GRID1: variants seen among roughly 807,000 people sequenced by gnomAD.
The protein encoded by GRID1 is glutamate ionotropic receptor delta type subunit 1.
GRID1 carries 28 observed loss-of-function variants against 98.0 expected under a neutral mutation model. The ratio of observed to expected loss-of-function variants is 0.29; its 90% CI spans 0.21 to 0.39. The LOEUF (loss-of-function observed/expected upper bound fraction) is 0.39. Among genes scored for constraint, GRID1 ranks in the 10% least tolerant of loss-of-function variants. The pLI is 1.00. For synonymous variants in GRID1, 553 were observed against 538.5 expected, an observed-to-expected ratio of 1.03 and a Z score of -0.37; for missense variants, 1,111 against 1,340.5, an observed-to-expected ratio of 0.83 and a Z score of 2.67.
chr10:86,071,206 C>G (rs964995859), intron 4 of GRID1, among the ~76,000 whole-genome samples: 38 of 152,350 alleles, frequency 2.5e-4, no homozygotes, highest in African/African-American at 8.4e-4. Context: ...CAACCCATAT[C>G]CAGCCTGTGC....
At chr10:85,984,044 G>A (rs1392423543) in intron 4 of GRID1, among the ~76,000 whole-genome samples, 3 of 151,970 alleles carry the variant, frequency 2.0e-5, no homozygotes, top group Non-Finnish European at 4.4e-5. Flanking sequence ...CCTGGCGACT[G>A]GACTTCAGGA....
intron 15 of GRID1, among the ~76,000 whole-genome samples, chr10:85,611,103 T>C (rs1227598040): frequency 6.6e-6 from 1 of 152,240 alleles, no homozygotes; most frequent in Admixed American, 6.5e-5. Flanking sequence ...TCCTCACAGC[T>C]AGGTTATCCC....
intron 4 of GRID1, among the ~76,000 whole-genome samples, chr10:85,972,212 C>T (rs1469875838): frequency 6.6e-6 from 1 of 150,972 alleles, no homozygotes; most frequent in Non-Finnish European, 1.5e-5. Flanking sequence ...AGCTTGAATA[C>T]AACTCACATT....
chr10:85,942,015 G>C (rs1254805922), intron 4 of GRID1, among the ~76,000 whole-genome samples: 1 of 152,150 alleles, frequency 6.6e-6, no homozygotes, highest in Non-Finnish European at 1.5e-5. Context: ...ATGCTAGCTT[G>C]AACCTAGATA....
intron 2 of GRID1, among the ~76,000 whole-genome samples, chr10:86,357,293 C>T (rs1454312343): frequency 6.6e-6 from 1 of 152,208 alleles, no homozygotes; most frequent in Non-Finnish European, 1.5e-5. Context: ...GGGCCCAATG[C>T]CTGTCAGAAA....
At chr10:85,787,588 C>T (rs928635512) in intron 8 of GRID1, among the ~76,000 whole-genome samples, 10 of 152,182 alleles carry the variant, frequency 6.6e-5, no homozygotes, top group Non-Finnish European at 5.9e-5. Context: ...GCCCAGCCAG[C>T]TCCATTTCCC....
intron 2 of GRID1, among the ~76,000 whole-genome samples, chr10:86,229,261 C>G (rs1457682990): frequency 6.6e-6 from 1 of 152,186 alleles, no homozygotes; most frequent in Non-Finnish European, 1.5e-5. Context: ...GCCAGTCCCC[C>G]TCCTCCCAGG....
chr10:86,019,655 T>G (rs1441624265), intron 4 of GRID1, among the ~76,000 whole-genome samples: 1 of 152,232 alleles, frequency 6.6e-6, no homozygotes, highest in Non-Finnish European at 1.5e-5. Flanking sequence ...TTTCACAGAT[T>G]AAGAAGCTGA....
chr10:86,162,389 C>T (rs881343), intron 3 of GRID1, among the ~76,000 whole-genome samples: 21,422 of 152,064 alleles, frequency 0.14, 1,652 homozygotes, highest in Middle Eastern at 0.23. Context: ...CCATACATCC[C>T]CATCCCAGCC....
intron 2 of GRID1, among the ~76,000 whole-genome samples, chr10:86,328,005 T>C (rs1408696487): frequency 1.9e-5 from 2 of 103,142 alleles, no homozygotes; most frequent in East Asian, 2.5e-4. Flanking sequence ...TAACTATCTA[T>C]TAAGGGGGGG....
chr10:86,008,602 T>C (rs1842890278), intron 4 of GRID1, among the ~76,000 whole-genome samples: 3 of 152,118 alleles, frequency 2.0e-5, no homozygotes, highest in Admixed American at 2.0e-4. Context: ...ACACAAATGG[T>C]CTTCTCACAG....
intron 12 of GRID1, among the ~76,000 whole-genome samples, chr10:85,655,988 A>T (rs1169427809): frequency 2.3e-5 from 3 of 132,306 alleles, no homozygotes; most frequent in East Asian, 4.1e-4. Flanking sequence ...TCTCTCTCTC[A>T]AAAAAAAAAA....
intron 2 of GRID1, among the ~76,000 whole-genome samples, chr10:86,239,509 A>G (rs1190236413): frequency 6.6e-6 from 1 of 152,220 alleles, no homozygotes; most frequent in Admixed American, 6.5e-5. Context: ...GGGGCCAAGG[A>G]CAGAATAATA....
chr10:85,611,416 C>T (rs1326355297), intron 15 of GRID1, among the ~76,000 whole-genome samples: 1 of 152,208 alleles, frequency 6.6e-6, no homozygotes, highest in Non-Finnish European at 1.5e-5. Flanking sequence ...TCCAGGCCCC[C>T]ACCCTTGCCC....
At chr10:85,680,096 C>T (rs1448785899) in intron 12 of GRID1, among the ~76,000 whole-genome samples, 1 of 152,134 alleles carries the variant, frequency 6.6e-6, no homozygotes, top group Non-Finnish European at 1.5e-5. Flanking sequence ...CCAAGGAAGC[C>T]CTGGAGTTCC....
intron 12 of GRID1, among the ~76,000 whole-genome samples, chr10:85,666,854 C>T (rs567607391): frequency 1.3e-5 from 2 of 152,148 alleles, no homozygotes; most frequent in African/African-American, 4.8e-5. Context: ...GTGTCCCCAT[C>T]CACCCAGGTC....
chr10:86,123,731 C>T (rs1255071882), intron 4 of GRID1, among the ~76,000 whole-genome samples: 2 of 152,230 alleles, frequency 1.3e-5, no homozygotes, highest in African/African-American at 4.8e-5. Flanking sequence ...GGGGCACGTC[C>T]TCTCTCAGCC....
intron 4 of GRID1, among the ~76,000 whole-genome samples, chr10:86,080,399 A>AAGGGG (rs1564668625): frequency 0.012 from 302 of 25,036 alleles, 12 homozygotes; most frequent in African/African-American, 0.016. Flanking sequence ...AAGGGAAGGG[A>AAGGGG]AGGGAAGGGA....
chr10:86,338,739 G>C (rs1006176046), intron 2 of GRID1, among the ~76,000 whole-genome samples: 1 of 152,126 alleles, frequency 6.6e-6, no homozygotes, highest in Non-Finnish European at 1.5e-5. Flanking sequence ...TGTGTTTTTA[G>C]TAGAGACAGG....
Sources: gnomAD v4.1 joint callset for allele counts (sites outside exome capture counted in the v4.1 genomes callset) on GRCh38, gnomAD v4.1.1 for gene constraint, MANE v1.5 for transcripts, NCBI Gene and HGNC (gene_info 2026-07-23, HGNC 2026-07-21) for gene names.